SAMD12: variants seen among roughly 807,000 people sequenced by gnomAD.
The protein encoded by SAMD12 is sterile alpha motif domain-containing protein 12.
A neutral mutation model predicts 15.0 loss-of-function variants in SAMD12; 9 were observed. That is an observed-to-expected ratio of 0.60 (90% CI 0.36 to 1.05). SAMD12 has a LOEUF of 1.05. SAMD12 is among the 50% of genes least tolerant of loss of function. The pLI, the probability that SAMD12 is intolerant of heterozygous loss-of-function variation, is 0.01. For synonymous variants in SAMD12, 86 were observed against 90.1 expected (o/e 0.96, Z 0.25); for missense variants, 230 against 234.2 (o/e 0.98, Z 0.12).
At chr8:118,146,251 G>T in the SAMD12 span, among the ~76,000 whole-genome samples, 3 of 152,204 alleles carry the variant, frequency 2.0e-5, no homozygotes, top group African/African-American at 7.2e-5. Flanking sequence ...AAAGCATTGT[G>T]GGAGAGAAAG....
intron 2 of SAMD12, among the ~76,000 whole-genome samples, chr8:118,470,219 G>A (rs1347409098): frequency 6.6e-6 from 1 of 150,764 alleles, no homozygotes; most frequent in Non-Finnish European, 1.5e-5. Flanking sequence ...CATACACACA[G>A]TGTGTTGTCA....
At chr8:118,464,419 G>A (rs531831060) in intron 2 of SAMD12, among the ~76,000 whole-genome samples, 2 of 152,274 alleles carry the variant, frequency 1.3e-5, no homozygotes, top group South Asian at 2.1e-4. Flanking sequence ...CAGGAAAAGC[G>A]TATTATAGGT....
At chr8:118,184,532 A>G (rs1819210785), downstream of SAMD12, among the ~76,000 whole-genome samples, 1 of 152,076 alleles carries the variant, frequency 6.6e-6, no homozygotes. Context: ...GTCTCACTCT[A>G]TCACCCAGGC....
At chr8:118,213,800 T>C (rs1346093813) in intron 4 of SAMD12, among the ~76,000 whole-genome samples, 1 of 152,194 alleles carries the variant, frequency 6.6e-6, no homozygotes, top group African/African-American at 2.4e-5. Context: ...ACTGAAGTTA[T>C]TAAGGGCTAA....
intron 1 of SAMD12, among the ~76,000 whole-genome samples, chr8:118,588,112 G>A: frequency 6.6e-6 from 1 of 152,202 alleles, no homozygotes; most frequent in East Asian, 1.9e-4. Flanking sequence ...ACCTGAGGAT[G>A]AAACTTTCTT....
At position 118,621,884 on chromosome 8, in the gene SAMD12, C is replaced by T; in HGVS notation, c.-68G>A. ...AGGTACTCCTCCTGCCCCGCGCTCC[C>T]CCCTTCCTCTCGCTTTCGCCTAAAT... On this transcript the variant is annotated 5_prime_UTR_variant, in exon 1 of 4. Coordinates refer to ENST00000314727, the MANE Select transcript of SAMD12 (RefSeq NM_207506.3). 13 of 1,540,090 alleles carry T rather than the reference C, an allele frequency of 8.4e-6. No homozygotes were observed. In the South Asian group the frequency reaches 1.5e-4, roughly 17 times the overall value.
chr8:118,365,830 G>A (rs1818736975), intron 4 of SAMD12, among the ~76,000 whole-genome samples: 1 of 151,926 alleles, frequency 6.6e-6, no homozygotes, highest in African/African-American at 2.4e-5. Context: ...ACCTAATCTG[G>A]CTAACTCTTC....
intron 4 of SAMD12, among the ~76,000 whole-genome samples, chr8:118,360,129 A>G (rs1400385386): frequency 6.6e-6 from 1 of 152,182 alleles, no homozygotes; most frequent in Non-Finnish European, 1.5e-5. Context: ...TCCACTGATA[A>G]AGAGGGACTT....
chr8:118,510,110 G>C (rs1261601948), intron 2 of SAMD12, among the ~76,000 whole-genome samples: 1 of 152,028 alleles, frequency 6.6e-6, no homozygotes, highest in Non-Finnish European at 1.5e-5. Flanking sequence ...TTCCAAATGT[G>C]TGCTAGGCTA....
chr8:118,446,119 T>C (rs1408080982), intron 2 of SAMD12, among the ~76,000 whole-genome samples: 1 of 152,188 alleles, frequency 6.6e-6, no homozygotes, highest in East Asian at 1.9e-4. Flanking sequence ...AAAAGCTCTT[T>C]GAGGTTCTTA....
chr8:118,433,649 T>C (rs1822488256), intron 3 of SAMD12, among the ~76,000 whole-genome samples: 1 of 152,128 alleles, frequency 6.6e-6, no homozygotes, highest in African/African-American at 2.4e-5. Flanking sequence ...ACTGGAAAAT[T>C]AGGAGAAACA....
chr8:118,342,421 T>A (rs1228868822), intron 4 of SAMD12, among the ~76,000 whole-genome samples: 1 of 152,236 alleles, frequency 6.6e-6, no homozygotes, highest in East Asian at 1.9e-4. Flanking sequence ...CAATCGTAGA[T>A]AAGGGATCTT....
downstream of SAMD12, chr8:118,189,305 T>C (rs957948864): frequency 5.9e-5 from 9 of 152,212 alleles, no homozygotes; most frequent in Non-Finnish European, 1.2e-4. Flanking sequence ...AGGACAATTT[T>C]CCACCATGAA....
At chr8:118,386,087 G>A (rs899464270) in intron 3 of SAMD12, among the ~76,000 whole-genome samples, 1 of 152,208 alleles carries the variant, frequency 6.6e-6, no homozygotes, top group African/African-American at 2.4e-5. Context: ...TTGAGTCACA[G>A]AGCAGTTTAT....
chr8:118,386,278 G>A (rs895982974), intron 3 of SAMD12, among the ~76,000 whole-genome samples: 3 of 152,106 alleles, frequency 2.0e-5, no homozygotes, highest in South Asian at 4.1e-4. Flanking sequence ...TCTCTGATAC[G>A]TCTGTTTCTG....
intron 4 of SAMD12, among the ~76,000 whole-genome samples, chr8:118,283,359 A>C (rs1219217545): frequency 2.0e-5 from 3 of 152,178 alleles, no homozygotes; most frequent in African/African-American, 7.2e-5. Flanking sequence ...GGCATGCATG[A>C]GATATAAAAC....
chr8:118,490,369 G>A (rs1484365077), intron 2 of SAMD12, among the ~76,000 whole-genome samples: 2 of 152,152 alleles, frequency 1.3e-5, no homozygotes, highest in African/African-American at 4.8e-5. Flanking sequence ...ACTACCAAGT[G>A]TTATTCGTGT....
chr8:118,287,128 T>TG (rs535375808), intron 4 of SAMD12, among the ~76,000 whole-genome samples: 11 of 93,732 alleles, frequency 1.2e-4, no homozygotes, highest in East Asian at 3.2e-3. Context: ...GAATATTTTT[T>TG]TTTTTTTTTT....
chr8:118,340,121 T>A (rs1209155932), intron 4 of SAMD12, among the ~76,000 whole-genome samples: 3 of 152,210 alleles, frequency 2.0e-5, no homozygotes, highest in Non-Finnish European at 4.4e-5. Context: ...AACAAAGAAG[T>A]AGACATTTCA....
Sources: gnomAD v4.1 joint callset for allele counts (sites outside exome capture counted in the v4.1 genomes callset) on GRCh38, gnomAD v4.1.1 for gene constraint, MANE v1.5 for transcripts, NCBI Gene and HGNC (gene_info 2026-07-23, HGNC 2026-07-21) for gene names.